SOAT1: variants seen among roughly 807,000 people sequenced by gnomAD.
The protein encoded by SOAT1 is sterol O-acyltransferase 1.
Under a neutral mutation model 69.5 loss-of-function variants are expected in SOAT1, and 55 were observed. The ratio of observed to expected loss-of-function variants is 0.79; its 90% CI spans 0.64 to 0.99. The LOEUF (loss-of-function observed/expected upper bound fraction) is 0.99. SOAT1 is among the 50% of genes least tolerant of loss of function. The probability of loss-of-function intolerance (pLI) is 0.00; values close to 1 mark genes in which losing one functional copy is unlikely to be tolerated. For missense variants in SOAT1, 580 were observed against 669.3 expected, an observed-to-expected ratio of 0.87 and a Z score of 1.47; for synonymous variants, 231 against 224.7, an observed-to-expected ratio of 1.03 and a Z score of -0.25.
At chr1:179,345,301 C>CA (rs1415465546) in intron 11 of SOAT1, among the ~76,000 whole-genome samples, 2 of 152,210 alleles carry the variant, frequency 1.3e-5, no homozygotes, top group African/African-American at 4.8e-5. Flanking sequence ...CTTTCTCTGA[C>CA]AGTGGACAGT....
chr1:179,329,998 C>G (rs1385576190), intron 3 of SOAT1, among the ~76,000 whole-genome samples: 1 of 152,172 alleles, frequency 6.6e-6, no homozygotes, highest in Non-Finnish European at 1.5e-5. Context: ...CCTGCCTCAC[C>G]ATTTGTAATT....
chr1:179,327,785 A>C (rs1665841217), intron 3 of SOAT1, among the ~76,000 whole-genome samples: 1 of 152,208 alleles, frequency 6.6e-6, no homozygotes, highest in Non-Finnish European at 1.5e-5. Context: ...AGCATTGAGC[A>C]AACCTTTTAG....
At chr1:179,307,719 T>C (rs1665055561) in intron 2 of SOAT1, among the ~76,000 whole-genome samples, 1 of 152,240 alleles carries the variant, frequency 6.6e-6, no homozygotes, top group Non-Finnish European at 1.5e-5. Flanking sequence ...AGGTTACCTT[T>C]TATGCAAAGC....
intron 2 of SOAT1, among the ~76,000 whole-genome samples, chr1:179,317,796 ATGACT>A (rs1489703448): frequency 6.6e-6 from 1 of 152,110 alleles, no homozygotes; most frequent in African/African-American, 2.4e-5. Flanking sequence ...AATATAACAG[ATGACT>A]TGACACTTTA....
chr1:179,328,165 C>A (rs1166516846), intron 3 of SOAT1, among the ~76,000 whole-genome samples: 1 of 152,146 alleles, frequency 6.6e-6, no homozygotes, highest in East Asian at 1.9e-4. Context: ...AACTCCTCAG[C>A]TCAAGTAATA....
intron 3 of SOAT1, among the ~76,000 whole-genome samples, chr1:179,333,578 C>T (rs1189736475): frequency 1.3e-5 from 2 of 151,990 alleles, no homozygotes; most frequent in Admixed American, 1.3e-4. Flanking sequence ...CGGTGGCTCA[C>T]GTCTGTAATC....
chr1:179,294,775 C>G (rs181549265), intron 1 of SOAT1, among the ~76,000 whole-genome samples: 1 of 152,320 alleles, frequency 6.6e-6, no homozygotes, highest in African/African-American at 2.4e-5. Flanking sequence ...TCAAGTGATC[C>G]GCCCGCTTCG....
At chr1:179,347,735 T>TA in intron 12 of SOAT1, 38 bp downstream of exon 12, 1 of 1,167,358 alleles carries the variant, frequency 8.6e-7, no homozygotes, top group Non-Finnish European at 1.3e-6. Flanking sequence ...TTTTACATTT[T>TA]ATTAACTTCT....
intron 2 of SOAT1, among the ~76,000 whole-genome samples, chr1:179,308,533 G>T (rs371969909): frequency 6.6e-6 from 1 of 151,828 alleles, no homozygotes; most frequent in African/African-American, 2.4e-5. Flanking sequence ...TCAGCTGGGC[G>T]TGGTGGTGGG....
intron 2 of SOAT1, among the ~76,000 whole-genome samples, chr1:179,303,549 T>C (rs1206739989): frequency 6.6e-6 from 1 of 152,230 alleles, no homozygotes; most frequent in African/African-American, 2.4e-5. Context: ...AGACAGGTTG[T>C]CTTTGGCATT....
intron 2 of SOAT1, among the ~76,000 whole-genome samples, chr1:179,321,415 C>G (rs6425533): frequency 0.5 from 75,726 of 152,062 alleles, 19,813 homozygotes; most frequent in East Asian, 0.84. Flanking sequence ...ACTGATCCTC[C>G]CCACTTGGCC....
Position 179,335,662 on chromosome 1 carries a change from GTA to G in SOAT1, c.329+7_329+8del, listed in dbSNP as rs1303151804. ...GAAAAACAACCATAGAGCGAAGTAA[GTA>G]TGTGCTATTTTCTTTTAATGCAAAC... On this transcript the variant is annotated splice_donor_region_variant and intron_variant, in intron 4 of 15. Transcript: ENST00000367619. 6.2e-7 allele frequency: 1 copy of G among 1,607,084 alleles called. No individual in the cohort carries two copies.
chr1:179,302,577 A>G, intron 1 of SOAT1, 100 bp from the exon 2 acceptor site: 1 of 658,530 alleles, frequency 1.5e-6, no homozygotes, highest in Non-Finnish European at 2.4e-6. Context: ...GAACTGTGAG[A>G]CAGTTAAACC....
chr1:179,300,004 G>A (rs1408869511), intron 1 of SOAT1, among the ~76,000 whole-genome samples: 4 of 148,790 alleles, frequency 2.7e-5, no homozygotes, highest in Non-Finnish European at 4.5e-5. Flanking sequence ...TTCATGATCT[G>A]CCCACCTCAG....
chr1:179,350,239 T>C (rs994162001), intron 13 of SOAT1, 57 bp from the exon 14 acceptor site: 1 of 1,464,994 alleles, frequency 6.8e-7, no homozygotes, highest in Non-Finnish European at 9.4e-7. Context: ...TCCTATATAA[T>C]CCATGCTTGC....
rs757380108 is a variant in SOAT1 at position 179,335,607 on chromosome 1, T to C, written c.279T>C (p.Ala93=). 1.2e-6 allele frequency: 2 copies of C among 1,613,896 alleles called. No individual in the cohort carries two copies. Among genetic ancestry groups the C allele is most frequent in the Non-Finnish European group, 1.7e-6 (2 of 1,179,934 alleles). ...KSASLDNGGC[A]LTTFSVLEGE... ...CATCATTAGATAATGGTGGGTGCGC[T>C]CTCACAACCTTTTCTGTTCTTGAAG... is the stretch of plus-strand genomic sequence containing the variant. The change falls in exon 4 of 16, where the codon GCT becomes GCC. Residue 93 remains alanine (A), a synonymous_variant. Transcript: ENST00000367619.
intron 11 of SOAT1, among the ~76,000 whole-genome samples, 183 bp downstream of exon 11, chr1:179,345,259 C>A (rs1263210938): frequency 6.6e-6 from 1 of 152,196 alleles, no homozygotes; most frequent in East Asian, 1.9e-4. Flanking sequence ...TCAGGTCAGT[C>A]TTTCATCTTA....
At chr1:179,329,943 T>A (rs1054155109) in intron 3 of SOAT1, among the ~76,000 whole-genome samples, 16 of 152,192 alleles carry the variant, frequency 1.1e-4, no homozygotes, top group Non-Finnish European at 2.2e-4. Context: ...TAGCTGATAC[T>A]GGCTCCATGG....
At chr1:179,330,114 C>A in intron 3 of SOAT1, among the ~76,000 whole-genome samples, 1 of 152,120 alleles carries the variant, frequency 6.6e-6, no homozygotes, top group East Asian at 1.9e-4. Flanking sequence ...AGTGGAAGGA[C>A]AGGAGTTTAT....
Sources: gnomAD v4.1 joint callset for allele counts (sites outside exome capture counted in the v4.1 genomes callset) on GRCh38, gnomAD v4.1.1 for gene constraint, MANE v1.5 for transcripts, NCBI Gene and HGNC (gene_info 2026-07-23, HGNC 2026-07-21) for gene names.